The following SRGAP3 variants were observed in gnomAD, a reference collection of about 807,000 sequenced individuals.
SRGAP3 encodes the protein SLIT-ROBO Rho GTPase-activating protein 3.
Under a neutral mutation model 121.1 loss-of-function variants are expected in SRGAP3, and 39 were observed. The ratio of observed to expected loss-of-function variants is 0.32; its 90% confidence interval spans 0.25 to 0.42. SRGAP3 has a LOEUF of 0.42. Ranked by LOEUF, SRGAP3 falls within the 10% of genes least tolerant of loss-of-function variation. SRGAP3 has a pLI of 1.00. For missense variants in SRGAP3, 1,213 were observed against 1,470.6 expected, an observed-to-expected ratio of 0.82 and a Z score of 2.86; for synonymous variants, 601 against 570.0, an observed-to-expected ratio of 1.05 and a Z score of -0.77.
intron 3 of SRGAP3, among the ~76,000 whole-genome samples, chr3:9,284,646 G>A (rs550258671): frequency 1.1e-4 from 17 of 152,042 alleles, no homozygotes; most frequent in East Asian, 5.8e-4. Context: ...CCTGAACAAC[G>A]TGATAAAATC....
At chr3:9,183,054 A>G (rs921177427) in intron 1 of SRGAP3, among the ~76,000 whole-genome samples, 2 of 152,168 alleles carry the variant, frequency 1.3e-5, no homozygotes, top group Non-Finnish European at 2.9e-5. Context: ...CTGTCACCCA[A>G]ACTCACCCAG....
intron 2 of SRGAP3, among the ~76,000 whole-genome samples, chr3:9,114,756 C>T (rs1411019116): frequency 1.3e-5 from 2 of 152,218 alleles, no homozygotes; most frequent in Non-Finnish European, 2.9e-5. Flanking sequence ...TGGGTGGCAC[C>T]GTGTGGCATG....
At chr3:9,077,256 G>C (rs1433164795) in intron 4 of SRGAP3, among the ~76,000 whole-genome samples, 1 of 151,800 alleles carries the variant, frequency 6.6e-6, no homozygotes, top group Non-Finnish European at 1.5e-5. Flanking sequence ...GCTTCAGTGA[G>C]CACCCTGGAA....
At chr3:9,080,182 G>T (rs1222713186) in intron 3 of SRGAP3, 95 bp from the exon 4 acceptor site, 4 of 1,304,582 alleles carry the variant, frequency 3.1e-6, no homozygotes, top group Non-Finnish European at 4.4e-6. Flanking sequence ...AATGTTTCGG[G>T]TGGGGTCAGA....
At chr3:9,322,130 G>A (rs1479853098) in intron 3 of SRGAP3, among the ~76,000 whole-genome samples, 1 of 151,664 alleles carries the variant, frequency 6.6e-6, no homozygotes, top group Non-Finnish European at 1.5e-5. Flanking sequence ...TACTCATTTA[G>A]CCTCTCTGGG....
In SRGAP3 at chr3:9,306,371, C is replaced by T. The variant is rs961248552; in HGVS notation, n.442+19639G>A. The stretch of plus-strand genomic sequence containing the variant: ...TCTCCCATTCTGTAGGTTGCCTGTT[C>T]ACTCTGATGGTACTTTCTTTTGCCA... On this transcript the variant is annotated intron_variant and non_coding_transcript_variant, in intron 3 of 3. Coordinates refer to the SRGAP3 transcript ENST00000490889. Among the ~76,000 whole-genome samples, 4 of 152,228 alleles carry T rather than the reference C, an allele frequency of 2.6e-5. No individual in the cohort carries two copies. The South Asian group carries it at 6.2e-4, about 24-fold the overall frequency.
rs554892711 is a variant in SRGAP3, at chr3:8,990,455, C to T, written c.2886+57G>A. 6.9e-5 allele frequency: 107 copies of T among 1,546,642 alleles called. No homozygotes were observed. In the East Asian group the frequency reaches 2.4e-3, roughly 35 times the overall value. ...GGTGGCTCCCCGCTCCACGGATTCCCACCCGCTGCCCTCTGGGGCTTTTGG... is the reference window on the plus strand; with the variant it reads ...GGTGGCTCCCCGCTCCACGGATTCCTACCCGCTGCCCTCTGGGGCTTTTGG... On this transcript the variant is annotated intron_variant, in intron 21 of 21. Transcript: ENST00000383836.
intron 2 of SRGAP3, among the ~76,000 whole-genome samples, chr3:9,326,406 T>C (rs938759406): frequency 6.6e-6 from 1 of 151,910 alleles, no homozygotes. Context: ...CCCAGGTATA[T>C]GGAACCAAAC....
intron 3 of SRGAP3, among the ~76,000 whole-genome samples, chr3:9,103,280 T>C (rs1948286926): frequency 1.3e-5 from 2 of 152,210 alleles, no homozygotes; most frequent in Admixed American, 6.5e-5. Flanking sequence ...ACCAAACCCC[T>C]GAAACTGGCA....
chr3:9,351,957 T>A (rs370024715), intron 1 of SRGAP3, among the ~76,000 whole-genome samples: 8 of 151,502 alleles, frequency 5.3e-5, no homozygotes, highest in South Asian at 2.1e-4. Flanking sequence ...CAAAGAAGAG[T>A]TCCTGGAAAC....
chr3:9,094,919 C>T (rs1444601900), intron 3 of SRGAP3, among the ~76,000 whole-genome samples: 1 of 151,896 alleles, frequency 6.6e-6, no homozygotes, highest in Non-Finnish European at 1.5e-5. Flanking sequence ...CCACACCTGG[C>T]TAATTTTTTT....
chr3:9,176,324 A>C (rs1951180116), intron 1 of SRGAP3, among the ~76,000 whole-genome samples: 1 of 152,226 alleles, frequency 6.6e-6, no homozygotes, highest in Admixed American at 6.5e-5. Context: ...ATGAAAATGC[A>C]TATGAAGGGC....
intron 3 of SRGAP3, among the ~76,000 whole-genome samples, chr3:9,090,297 A>G (rs73015473): frequency 0.05 from 7,646 of 152,206 alleles, 292 homozygotes; most frequent in Non-Finnish European, 0.079. Flanking sequence ...GAAGACCTGC[A>G]TACAAAAGGA....
chr3:9,055,494 G>A (rs186768508), intron 8 of SRGAP3, among the ~76,000 whole-genome samples: 1 of 152,292 alleles, frequency 6.6e-6, no homozygotes, highest in Non-Finnish European at 1.5e-5. Flanking sequence ...TCAGAATAGA[G>A]CCACTGCACT....
rs149425395 is a variant in SRGAP3, at chr3:9,320,490, CCT to C, written n.442+5518_442+5519del. Among the ~76,000 whole-genome samples, 1,124 of 151,838 alleles carry C rather than the reference CCT, an allele frequency of 7.4e-3. 13 individuals carry two copies. The highest frequency in any genetic ancestry group is 0.023 in the African/African-American group (972 of 41,530). On this transcript the variant is annotated intron_variant and non_coding_transcript_variant, in intron 3 of 3. Coordinates refer to the SRGAP3 transcript ENST00000490889. Reference sequence around the variant, plus strand: ...TTAAAAGTGTGCAGCACCTCCCCCACCTCTCTCTCTTGCTCCTGCTCCTGCCA... The same window carrying C: ...TTAAAAGTGTGCAGCACCTCCCCCACCTCTCTCTTGCTCCTGCTCCTGCCA...
At chr3:9,324,662 A>T (rs1299145795) in intron 3 of SRGAP3, among the ~76,000 whole-genome samples, 1 of 151,784 alleles carries the variant, frequency 6.6e-6, no homozygotes, top group African/African-American at 2.4e-5. Context: ...GTTTAGAAAA[A>T]TTCCCCCTTT....
At chr3:9,046,224 C>G (rs1945271185) in intron 10 of SRGAP3, among the ~76,000 whole-genome samples, 1 of 152,154 alleles carries the variant, frequency 6.6e-6, no homozygotes, top group South Asian at 2.1e-4. Flanking sequence ...TTCCCCAGCC[C>G]TTACTACCTA....
In SRGAP3 at chr3:8,981,284, T is replaced by C. The variant is rs1941404681; in HGVS notation, c.*4235A>G. On this transcript the variant is annotated 3_prime_UTR_variant, in exon 22 of 22. Transcript: ENST00000383836. ...AGCATTAGCTCTGCACAGCAGAAAA[T>C]CAGCTAGGCAACACCTCGGCTCACC... The C allele has an allele frequency of 4.3e-6, 1 of 232,688 alleles. No individual in the cohort carries two copies. The highest frequency in any genetic ancestry group is 1.8e-4 in the South Asian group (1 of 5,520). The allele number at this position is 232,688 out of a possible 1,614,324, so 14.4% of individuals were successfully genotyped here.
At chr3:8,990,209 G>A (rs1160937758) in intron 21 of SRGAP3, among the ~76,000 whole-genome samples, 1 of 152,224 alleles carries the variant, frequency 6.6e-6, no homozygotes, top group African/African-American at 2.4e-5. Flanking sequence ...GTCAAAAACT[G>A]AATCGTATCA....
Sources: gnomAD v4.1 joint callset for allele counts (sites outside exome capture counted in the v4.1 genomes callset) on GRCh38, gnomAD v4.1.1 for gene constraint, MANE v1.5 for transcripts, NCBI Gene and HGNC (gene_info 2026-07-23, HGNC 2026-07-21) for gene names.